Variants in LYZL1 observed in about 807,000 individuals in gnomAD.
LYZL1 encodes lysozyme like 1, also known as lysozyme-like protein 1.
LYZL1 carries 16 observed loss-of-function variants against 17.9 expected under a neutral mutation model. The observed-to-expected ratio is 0.90, with a 90% CI of 0.61 to 1.36. The LOEUF (loss-of-function observed/expected upper bound fraction) is 1.36. Ranked by LOEUF, LYZL1 falls within the 40% of genes most tolerant of loss-of-function variation. LYZL1 has a pLI of 0.00. For missense variants in LYZL1, 149 were observed against 188.4 expected (o/e 0.79, Z 1.22); for synonymous variants, 58 against 71.8 (o/e 0.81, Z 0.97).
At position 29,297,006 on chromosome 10, in the gene LYZL1, A is replaced by G. The variant is rs183435604; in HGVS notation, c.298+4329A>G. ...GTTTATGCAAGGAAATGAAACTTCA[A>G]ATTCAGAAAACTACCATTAATATCT... On this transcript the variant is annotated intron_variant, in intron 3 of 4. Transcript: ENST00000649382. 3.0e-3 allele frequency among the ~76,000 whole-genome samples: 450 copies of G among 152,282 alleles called. 1 individual carries two copies. The highest frequency in any genetic ancestry group is 5.5e-3 in the Non-Finnish European group (371 of 68,024).
intron 3 of LYZL1, among the ~76,000 whole-genome samples, chr10:29,298,368 T>A (rs566095328): frequency 3.6e-4 from 55 of 152,242 alleles, no homozygotes; most frequent in South Asian, 2.7e-3. Flanking sequence ...TGGAAGATAT[T>A]ATATGTATAT....
At chr10:29,318,100 A>T (rs908268307) in intron 4 of LYZL1, 3 of 930,338 alleles carry the variant, frequency 3.2e-6, no homozygotes, top group South Asian at 5.0e-5. Context: ...GCAAAGGTGC[A>T]GATAGTGGCT....
intron 2 of LYZL1, 113 bp from the exon 3 acceptor site, chr10:29,292,406 G>A: frequency 6.7e-6 from 10 of 1,484,448 alleles, no homozygotes; most frequent in Non-Finnish European, 8.1e-6. Context: ...CCTGCCCAAG[G>A]TGTATTGGGA....
intron 3 of LYZL1, among the ~76,000 whole-genome samples, chr10:29,292,918 GATGGACAA>G (rs1835393982): frequency 6.6e-6 from 1 of 152,154 alleles, no homozygotes; most frequent in South Asian, 2.1e-4. Context: ...AAAGCAGGTG[GATGGACAA>G]ACAACCCTAC....
exon 5 of LYZL1, chr10:29,318,245 A>C: frequency 1.0e-6 from 1 of 955,678 alleles, no homozygotes; most frequent in Non-Finnish European, 1.2e-6. Context: ...GTGGCAACAT[A>C]ATTCTTGGTG....
intron 3 of LYZL1, among the ~76,000 whole-genome samples, chr10:29,309,445 T>A (rs898972270): frequency 6.6e-6 from 1 of 152,334 alleles, no homozygotes; most frequent in African/African-American, 2.4e-5. Flanking sequence ...CAAAGAGAAC[T>A]TATATGTCAA....
At chr10:29,295,645 G>A (rs1178201267) in intron 3 of LYZL1, among the ~76,000 whole-genome samples, 1 of 152,188 alleles carries the variant, frequency 6.6e-6, no homozygotes, top group African/African-American at 2.4e-5. Flanking sequence ...AGATCAGGTA[G>A]GGGAGATTAT....
downstream of LYZL1, among the ~76,000 whole-genome samples, chr10:29,314,926 A>C (rs1158454820): frequency 1.3e-5 from 2 of 152,190 alleles, no homozygotes; most frequent in African/African-American, 4.8e-5. Context: ...AACGTGTCCT[A>C]GTTCCTTTAC....
At position 29,294,915 on chromosome 10, in the gene LYZL1, A is replaced by G. The variant is rs572091131; in HGVS notation, c.298+2238A>G. Among the ~76,000 whole-genome samples, 36 of 152,226 alleles carry G rather than the reference A, an allele frequency of 2.4e-4. 1 individual carries two copies. Among genetic ancestry groups the G allele is most frequent in the Non-Finnish European group, 4.6e-4 (31 of 68,046 alleles). ...TGTTAACAATCAATAATAATGGGAT[A>G]ATTATAACAATATACTGTAATAAAA... is the stretch of plus-strand genomic sequence containing the variant. On this transcript the variant is annotated intron_variant, in intron 3 of 4. Coordinates refer to ENST00000649382, the MANE Select transcript of LYZL1 (RefSeq NM_032517.6).
At chr10:29,312,271 C>A (rs899374983), downstream of LYZL1, among the ~76,000 whole-genome samples, 13 of 152,170 alleles carry the variant, frequency 8.5e-5, no homozygotes, top group South Asian at 6.2e-4. Flanking sequence ...TCCACTTCTG[C>A]TTAAATCAAG....
chr10:29,290,988 C>G (rs1835355960), intron 1 of LYZL1, among the ~76,000 whole-genome samples: 1 of 152,174 alleles, frequency 6.6e-6, no homozygotes, highest in Admixed American at 6.5e-5. Flanking sequence ...GTTTTCCATA[C>G]AGGCCCACGT....
intron 3 of LYZL1, among the ~76,000 whole-genome samples, chr10:29,304,958 C>T (rs1202862783): frequency 6.6e-6 from 1 of 152,122 alleles, no homozygotes; most frequent in Non-Finnish European, 1.5e-5. Context: ...CCCCACCGTC[C>T]CAGAAATCCT....
At chr10:29,308,132 G>A (rs74131338) in intron 3 of LYZL1, among the ~76,000 whole-genome samples, 7,505 of 152,286 alleles carry the variant, frequency 0.049, 201 homozygotes, top group Middle Eastern at 0.12. Context: ...ATGGAGATGG[G>A]CCTCCCAGAT....
At chr10:29,294,644 G>A (rs1343078565) in intron 3 of LYZL1, among the ~76,000 whole-genome samples, 2 of 152,212 alleles carry the variant, frequency 1.3e-5, no homozygotes, top group African/African-American at 4.8e-5. Flanking sequence ...GAGAGAATGA[G>A]GAACAAGAGT....
At position 29,289,247 on chromosome 10, in the gene LYZL1, T is replaced by G. The variant is rs567996893; in HGVS notation, c.-26+17T>G. On this transcript the variant is annotated intron_variant, in intron 1 of 4. Coordinates refer to ENST00000649382, the MANE Select transcript of LYZL1 (RefSeq NM_032517.6). ...GCCTTTTCAGTAAGACCTAAATTAC[T>G]CTTATGAGAACCAGCAATGGCAGGT... 2.8e-6 allele frequency: 2 copies of G among 702,626 alleles called. No individual in the cohort carries two copies. Among genetic ancestry groups the G allele is most frequent in the Admixed American group, 7.3e-5 (1 of 13,666 alleles). The allele number at this position is 702,626 out of a possible 1,614,324, so 43.5% of individuals were successfully genotyped here.
chr10:29,302,991 G>A (rs533958880), intron 3 of LYZL1, among the ~76,000 whole-genome samples: 61 of 152,320 alleles, frequency 4.0e-4, no homozygotes, highest in Admixed American at 1.2e-3. Flanking sequence ...AGCATCCAGT[G>A]TCTCTTTTGA....
At chr10:29,298,686 A>G (rs932780571) in intron 3 of LYZL1, among the ~76,000 whole-genome samples, 3 of 152,192 alleles carry the variant, frequency 2.0e-5, no homozygotes, top group Non-Finnish European at 4.4e-5. Context: ...GGAGAAAGGC[A>G]AGAGGAATGC....
chr10:29,314,130 C>T (rs1436313362), downstream of LYZL1, among the ~76,000 whole-genome samples: 1 of 152,172 alleles, frequency 6.6e-6, no homozygotes. Flanking sequence ...GGTTGTGCCA[C>T]TCCCCTGCAG....
rs78435564 is a variant in LYZL1, at chr10:29,299,621, G to C, written c.298+6944G>C. On this transcript the variant is annotated intron_variant, in intron 3 of 4. Transcript: ENST00000649382. ...CTTTGTTATTAGGCACATATTCATC[G>C]AGGACTGTTATGTCTTTGTGGTGAA... Among the ~76,000 whole-genome samples the C allele has an allele frequency of 3.9e-5, 6 of 152,000 alleles. 1 individual carries two copies.
Sources: allele counts gnomAD v4.1 joint callset (sites outside exome capture counted in the v4.1 genomes callset), GRCh38; gene constraint gnomAD v4.1.1; transcripts MANE v1.5; gene names NCBI Gene and HGNC (gene_info 2026-07-23, HGNC 2026-07-21).